Variants in PCDH9 observed in about 807,000 individuals in gnomAD.
PCDH9 encodes protocadherin 9.
Under a neutral mutation model 70.6 loss-of-function variants are expected in PCDH9, and 24 were observed. The ratio of observed to expected loss-of-function variants is 0.34; its 90% CI spans 0.25 to 0.48. The LOEUF (loss-of-function observed/expected upper bound fraction) is 0.48, where lower values mean the gene tolerates loss of function less well. PCDH9 is among the 20% of genes least tolerant of loss of function. The pLI, the probability that PCDH9 is intolerant of heterozygous loss-of-function variation, is 0.99. For synonymous variants in PCDH9, 562 were observed against 558.5 expected, an observed-to-expected ratio of 1.01 and a Z score of -0.09; for missense variants, 1,281 against 1,503.6, an observed-to-expected ratio of 0.85 and a Z score of 2.45.
At chr13:66,444,562 T>C (rs1012106470) in intron 4 of PCDH9, among the ~76,000 whole-genome samples, 2 of 152,132 alleles carry the variant, frequency 1.3e-5, no homozygotes, top group African/African-American at 4.8e-5. Context: ...TTATTTTTTA[T>C]TTCTGTTTGA....
chr13:67,104,905 TCA>T (rs4053686), intron 2 of PCDH9, among the ~76,000 whole-genome samples: 11,326 of 152,252 alleles, frequency 0.074, 533 homozygotes, highest in East Asian at 0.19. Context: ...ATCCTTAATC[TCA>T]CTTTTAAATC....
intron 2 of PCDH9, among the ~76,000 whole-genome samples, chr13:67,135,907 C>T (rs2087221534): frequency 6.6e-6 from 1 of 151,980 alleles, no homozygotes; most frequent in Non-Finnish European, 1.5e-5. Context: ...TTTACAATAA[C>T]ATATCCTGTT....
intron 4 of PCDH9, among the ~76,000 whole-genome samples, chr13:66,387,577 T>G (rs946723933): frequency 6.7e-6 from 1 of 149,290 alleles, no homozygotes; most frequent in Non-Finnish European, 1.5e-5. Context: ...AGCACCTTCC[T>G]CCTTTCTCCG....
intron 4 of PCDH9, among the ~76,000 whole-genome samples, chr13:66,347,401 T>C (rs939359820): frequency 6.6e-6 from 1 of 152,168 alleles, no homozygotes; most frequent in Admixed American, 6.5e-5. Context: ...CCTTAGGCTA[T>C]GGTGGAGACT....
chr13:66,687,080 C>G (rs573082655), intron 3 of PCDH9, among the ~76,000 whole-genome samples: 86 of 152,184 alleles, frequency 5.7e-4, no homozygotes, highest in African/African-American at 2.0e-3. Flanking sequence ...ACTCATAAAA[C>G]AGGAGTATTA....
intron 4 of PCDH9, among the ~76,000 whole-genome samples, chr13:66,358,216 C>T (rs1956416231): frequency 6.6e-6 from 1 of 151,890 alleles, no homozygotes; most frequent in African/African-American, 2.4e-5. Context: ...AAGAAAGCTA[C>T]TACTTAAGGG....
intron 2 of PCDH9, among the ~76,000 whole-genome samples, chr13:66,997,812 C>T (rs372442362): frequency 1.3e-5 from 2 of 152,160 alleles, no homozygotes; most frequent in African/African-American, 2.4e-5. Flanking sequence ...GGATTACAGG[C>T]ATGAGCCACC....
chr13:66,926,776 T>A (rs1443945670), intron 2 of PCDH9, among the ~76,000 whole-genome samples: 1 of 152,062 alleles, frequency 6.6e-6, no homozygotes, highest in Non-Finnish European at 1.5e-5. Flanking sequence ...CACACTACAA[T>A]TTTTTGTGTT....
intron 4 of PCDH9, among the ~76,000 whole-genome samples, chr13:66,516,768 G>A (rs118125659): frequency 0.023 from 3,523 of 151,968 alleles, 93 homozygotes; most frequent in South Asian, 0.1. Flanking sequence ...CTATGTGTGT[G>A]TGTGCTTGTA....
In PCDH9 at chr13:67,227,217, T is replaced by A; in HGVS notation, c.1224A>T (p.Pro408=). Residue 408 remains proline, a synonymous_variant, in exon 2 of 5, where the codon CCA becomes CCT. Coordinates refer to ENST00000377865, the MANE Select transcript of PCDH9 (RefSeq NM_203487.3). The surrounding 1 kb of genome is among the most constrained non-coding windows in gnomAD (Gnocchi z 4.6). ...TGTCATATACCGCCTTCAAATGAAA[T>A]GGGACCTCTCTTTCAATAAAACAGA... is the stretch of plus-strand genomic sequence containing the variant. ...KVICFIEREV[P]FHLKAVYDNQ... 1 of 1,613,760 alleles carries A rather than the reference T, an allele frequency of 6.2e-7. No homozygotes were observed. The highest frequency in any genetic ancestry group is 1.7e-5 in the Admixed American group (1 of 60,024).
chr13:67,008,420 T>C (rs181762480), intron 2 of PCDH9, among the ~76,000 whole-genome samples: 14 of 152,294 alleles, frequency 9.2e-5, no homozygotes, highest in African/African-American at 3.1e-4. Flanking sequence ...TATGTAATTA[T>C]ATATTGTTTT....
intron 2 of PCDH9, among the ~76,000 whole-genome samples, chr13:67,173,078 T>C (rs1423944108): frequency 6.6e-6 from 1 of 151,958 alleles, no homozygotes; most frequent in Non-Finnish European, 1.5e-5. Flanking sequence ...CTCCAGAAAC[T>C]CAAAATACCA....
intron 3 of PCDH9, among the ~76,000 whole-genome samples, chr13:66,641,529 G>T (rs137949627): frequency 6.6e-6 from 1 of 152,086 alleles, no homozygotes; most frequent in African/African-American, 2.4e-5. Context: ...ACAAATTACC[G>T]CATTCTCTCC....
intron 2 of PCDH9, among the ~76,000 whole-genome samples, chr13:67,063,128 T>C: frequency 6.6e-6 from 1 of 152,178 alleles, no homozygotes; most frequent in East Asian, 1.9e-4. Context: ...AGCGGGTGGC[T>C]CTATTGTTAA....
intron 3 of PCDH9, among the ~76,000 whole-genome samples, chr13:66,644,564 A>G (rs1408502323): frequency 3.9e-5 from 6 of 151,976 alleles, no homozygotes; most frequent in Admixed American, 3.9e-4. Context: ...TCTTACTTCT[A>G]TTGAGCTTGT....
intron 2 of PCDH9, among the ~76,000 whole-genome samples, chr13:67,143,582 T>C (rs2087449834): frequency 6.6e-6 from 1 of 152,062 alleles, no homozygotes; most frequent in South Asian, 2.1e-4. Context: ...AAAATAATAA[T>C]AATAATAATA....
chr13:66,876,216 C>T (rs1274833579), intron 3 of PCDH9, among the ~76,000 whole-genome samples: 1 of 151,976 alleles, frequency 6.6e-6, no homozygotes, highest in African/African-American at 2.4e-5. Flanking sequence ...CTATAAATTA[C>T]AGTGAATAAT....
chr13:66,327,365 G>A (rs771834390), intron 4 of PCDH9, among the ~76,000 whole-genome samples: 33 of 152,276 alleles, frequency 2.2e-4, no homozygotes, highest in Admixed American at 3.3e-4. Context: ...AATGTACTTT[G>A]AATTACTTTG....
In PCDH9 at chr13:67,225,077, C is replaced by G. The variant is rs1285062863; in HGVS notation, c.3036+328G>C. On this transcript the variant is annotated intron_variant, in intron 2 of 4. Coordinates refer to ENST00000377865, the MANE Select transcript of PCDH9 (RefSeq NM_203487.3). ...TCTTGAAGCAGTCAATTTGGAAACC[C>G]CCAGGAGCAGAATTTGGCATATCAG... 2.6e-6 allele frequency: 3 copies of G among 1,166,206 alleles called. No homozygotes were observed. The African/African-American group carries it at 4.8e-5, about 19-fold the overall frequency. 72.2% of individuals were successfully genotyped at this position (1,166,206 alleles called of 1,614,324 possible). A position where few individuals can be genotyped will look rare whatever the true frequency, so the allele number is the denominator to read the frequency against.
Sources: allele counts gnomAD v4.1 joint callset (sites outside exome capture counted in the v4.1 genomes callset), GRCh38; gene constraint gnomAD v4.1.1; non-coding constraint Gnocchi (gnomAD v3.1); transcripts MANE v1.5; gene names NCBI Gene and HGNC (gene_info 2026-07-23, HGNC 2026-07-21).